Variants in DACH2 observed in about 807,000 individuals in gnomAD.
The protein encoded by DACH2 is dachshund family transcription factor 2.
A neutral mutation model predicts 35.8 loss-of-function variants in DACH2; 17 were observed. The observed-to-expected ratio is 0.48, with a 90% CI of 0.33 to 0.71. DACH2 has a LOEUF of 0.71. Ranked by LOEUF, DACH2 falls within the 30% of genes least tolerant of loss-of-function variation. The probability of loss-of-function intolerance (pLI) is 0.02; values close to 1 mark genes in which losing one functional copy is unlikely to be tolerated. For missense variants in DACH2, 469 were observed against 472.7 expected, an observed-to-expected ratio of 0.99 and a Z score of 0.07; for synonymous variants, 195 against 177.3, an observed-to-expected ratio of 1.10 and a Z score of -0.79.
At chrX:86,730,015 C>T (rs1375620210) in intron 6 of DACH2, among the ~76,000 whole-genome samples, 1 of 109,347 alleles carries the variant, frequency 9.1e-6, no homozygotes, top group Admixed American at 9.8e-5. Flanking sequence ...TTTAAAAATC[C>T]CTGGGGTTAA....
At chrX:86,830,329 T>A (rs1382070348) in intron 11 of DACH2, 1 of 112,089 alleles carries the variant, frequency 8.9e-6, no homozygotes, top group Non-Finnish European at 1.9e-5. Flanking sequence ...TACAACATGC[T>A]ACACAGGGGT....
intron 2 of DACH2, among the ~76,000 whole-genome samples, chrX:86,499,517 A>G (rs2038220662): frequency 8.9e-6 from 1 of 111,848 alleles, no homozygotes. Flanking sequence ...GATGGTATTC[A>G]GAAGGGCTAG....
chrX:86,382,139 T>C (rs756803132), intron 2 of DACH2, among the ~76,000 whole-genome samples: 1 of 110,123 alleles, frequency 9.1e-6, no homozygotes, highest in East Asian at 2.9e-4. Context: ...TTCTTTCTTT[T>C]CTTTTCTTTT....
intron 1 of DACH2, among the ~76,000 whole-genome samples, chrX:86,365,470 G>A (rs5968907): frequency 0.15 from 16,764 of 110,644 alleles, 1,181 homozygotes; most frequent in East Asian, 0.3. Context: ...AAAATGTATG[G>A]AATTGCAACA....
intron 11 of DACH2, chrX:86,831,586 T>TATCA (rs2042612132): frequency 9.0e-6 from 1 of 111,222 alleles, no homozygotes; most frequent in Non-Finnish European, 1.9e-5. Flanking sequence ...TTTTAATGAC[T>TATCA]ATCATTTAGA....
intron 7 of DACH2, among the ~76,000 whole-genome samples, chrX:86,777,428 A>G (rs1229957438): frequency 1.8e-5 from 2 of 111,270 alleles, no homozygotes; most frequent in East Asian, 5.7e-4. Flanking sequence ...GAGGGTTATC[A>G]GTGGTTTCAG....
At chrX:86,764,758 A>G (rs1164426061) in intron 7 of DACH2, among the ~76,000 whole-genome samples, 1 of 111,630 alleles carries the variant, frequency 9.0e-6, no homozygotes, top group Non-Finnish European at 1.9e-5. Context: ...CAGTGAGATT[A>G]CTGGTTCAAA....
intron 6 of DACH2, among the ~76,000 whole-genome samples, chrX:86,726,564 A>T (rs2022482): frequency 0.04 from 4,501 of 111,574 alleles, 222 homozygotes; most frequent in African/African-American, 0.14. Flanking sequence ...CAGCCTTGTC[A>T]GTGCTGCCTT....
intron 1 of DACH2, among the ~76,000 whole-genome samples, chrX:86,306,425 C>G (rs2034689370): frequency 9.0e-6 from 1 of 111,698 alleles, no homozygotes; most frequent in African/African-American, 3.3e-5. Context: ...TACTGAGTGT[C>G]AACTTGATTG....
rs58335593 is a variant in DACH2 at position 86,284,519 on chromosome X, A to G, written c.489-92305A>G. ...TTTTGTTGAGAATTTTCACAGCAAT[A>G]TTCATCAGAGTTACTGGCCTGTAGT... On this transcript the variant is annotated intron_variant, in intron 1 of 11. Transcript: ENST00000373125. 4.0e-3 allele frequency among the ~76,000 whole-genome samples: 447 copies of G among 110,914 alleles called. 1 individual carries two copies. The highest frequency in any genetic ancestry group is 0.014 in the African/African-American group (436 of 30,568).
intron 5 of DACH2, among the ~76,000 whole-genome samples, chrX:86,697,673 G>GA (rs1437454068): frequency 1.0e-5 from 1 of 95,924 alleles, no homozygotes; most frequent in Non-Finnish European, 2.1e-5. Context: ...GAAACCCTAA[G>GA]AAAAAATCAA....
chrX:86,827,751 GT>G, intron 11 of DACH2: 1 of 1,164,711 alleles, frequency 8.6e-7, no homozygotes, highest in East Asian at 3.3e-5. Context: ...AGGTCTTATT[GT>G]TTTTTCTGTG....
chrX:86,188,645 G>T (rs1481794280), intron 1 of DACH2, among the ~76,000 whole-genome samples: 1 of 111,978 alleles, frequency 8.9e-6, no homozygotes, highest in Non-Finnish European at 1.9e-5. Context: ...GACCAAACTA[G>T]GAGGGACAGA....
At chrX:86,454,131 C>A (rs1455408009) in intron 2 of DACH2, among the ~76,000 whole-genome samples, 1 of 111,353 alleles carries the variant, frequency 9.0e-6, no homozygotes, top group Non-Finnish European at 1.9e-5. Context: ...TGTAGGATAT[C>A]CGCTGAGAGG....
At chrX:86,593,753 G>A (rs898433375) in intron 3 of DACH2, among the ~76,000 whole-genome samples, 4 of 110,940 alleles carry the variant, frequency 3.6e-5, no homozygotes, top group South Asian at 3.7e-4. Flanking sequence ...TTAGTGGCTG[G>A]CATTTTTGAG....
At chrX:86,299,651 C>G (rs1289187466) in intron 1 of DACH2, among the ~76,000 whole-genome samples, 1 of 111,665 alleles carries the variant, frequency 9.0e-6, no homozygotes, top group African/African-American at 3.3e-5. Flanking sequence ...GTTTTATATT[C>G]TGAGAAGTCT....
chrX:86,237,985 A>C (rs1314306403), intron 1 of DACH2, among the ~76,000 whole-genome samples: 1 of 111,925 alleles, frequency 8.9e-6, no homozygotes, highest in African/African-American at 3.3e-5. Context: ...TATCTCGCTC[A>C]ATGTGGTGAG....
At chrX:86,198,375 C>A (rs1315054595) in intron 1 of DACH2, among the ~76,000 whole-genome samples, 2 of 110,638 alleles carry the variant, frequency 1.8e-5, no homozygotes, top group African/African-American at 6.6e-5. Context: ...AAGAGAAAAC[C>A]AAGCCCAGAA....
At chrX:86,379,492 T>C (rs1400200586) in intron 2 of DACH2, among the ~76,000 whole-genome samples, 2 of 103,288 alleles carry the variant, frequency 1.9e-5, no homozygotes, top group East Asian at 3.5e-4. Context: ...CCAATCTCTC[T>C]AGGAAAAAAA....
Sources: allele counts gnomAD v4.1 joint callset (sites outside exome capture counted in the v4.1 genomes callset), GRCh38; gene constraint gnomAD v4.1.1; transcripts MANE v1.5; gene names NCBI Gene and HGNC (gene_info 2026-07-23, HGNC 2026-07-21).